The following RIMS1 variants were observed in gnomAD, a reference collection of about 807,000 sequenced individuals.
RIMS1 encodes regulating synaptic membrane exocytosis protein 1.
In RIMS1, 83 loss-of-function variants were observed where a neutral mutation model predicts 214.1. That is an observed-to-expected ratio of 0.39 (90% CI 0.32 to 0.47). The LOEUF (loss-of-function observed/expected upper bound fraction) is 0.47, where lower values mean the gene tolerates loss of function less well. Ranked by LOEUF, RIMS1 falls within the 20% of genes least tolerant of loss-of-function variation. The pLI, the probability that RIMS1 is intolerant of heterozygous loss-of-function variation, is 0.99. For synonymous variants in RIMS1, 793 were observed against 786.8 expected (o/e 1.01, Z -0.13); for missense variants, 2,050 against 2,161.8 (o/e 0.95, Z 1.03).
chr6:72,294,351 C>A (rs1318146458), intron 26 of RIMS1, among the ~76,000 whole-genome samples: 1 of 151,612 alleles, frequency 6.6e-6, no homozygotes, highest in Non-Finnish European at 1.5e-5. Flanking sequence ...TTCCATCTCC[C>A]ATGAAGATTA....
intron 4 of RIMS1, among the ~76,000 whole-genome samples, chr6:72,137,325 G>A (rs2153870954): frequency 6.6e-6 from 1 of 152,080 alleles, no homozygotes; most frequent in South Asian, 2.1e-4. Context: ...GTGTTTGAAG[G>A]TATACATTTC....
intron 28 of RIMS1, among the ~76,000 whole-genome samples, chr6:72,329,982 T>C (rs1339787267): frequency 6.6e-6 from 1 of 151,736 alleles, no homozygotes; most frequent in Non-Finnish European, 1.5e-5. Context: ...AGCATATAGA[T>C]ACTACATAAT....
At chr6:72,299,906 G>A (rs1472923730) in intron 26 of RIMS1, among the ~76,000 whole-genome samples, 1 of 151,734 alleles carries the variant, frequency 6.6e-6, no homozygotes, top group East Asian at 1.9e-4. Flanking sequence ...ATTAGTAGTA[G>A]TAGATGCATA....
chr6:71,947,025 G>A (rs1788043521), intron 1 of RIMS1, among the ~76,000 whole-genome samples: 1 of 151,934 alleles, frequency 6.6e-6, no homozygotes, highest in Admixed American at 6.6e-5. Context: ...CTGGCCATCG[G>A]ATATGTGAAA....
chr6:72,182,278 T>C lies in RIMS1; in HGVS notation c.813-6T>C, dbSNP rs2048509894. ...GCTCTCCTTGACGTTCCTTTGTATA[T>C]CATAGAAAGAAGACCCCAGGGCTTT... On this transcript the variant is annotated splice_polypyrimidine_tract_variant and splice_region_variant and intron_variant, in intron 5 of 33. Transcript: ENST00000521978. The C allele has an allele frequency of 1.9e-6, 3 of 1,562,750 alleles. No individual in the cohort carries two copies. Among genetic ancestry groups the C allele is most frequent in the Non-Finnish European group, 2.6e-6 (3 of 1,159,796 alleles).
At chr6:72,046,320 G>T (rs1823027359) in intron 2 of RIMS1, among the ~76,000 whole-genome samples, 1 of 152,016 alleles carries the variant, frequency 6.6e-6, no homozygotes, top group Non-Finnish European at 1.5e-5. Context: ...GTGAGATAGG[G>T]TAGAGATTTT....
At chr6:72,098,289 C>CTTTT (rs58934201) in intron 3 of RIMS1, among the ~76,000 whole-genome samples, 13 of 143,340 alleles carry the variant, frequency 9.1e-5, no homozygotes, top group Non-Finnish European at 9.1e-5. Context: ...ATCAATATAT[C>CTTTT]TTTTTTTTTT....
intron 31 of RIMS1, among the ~76,000 whole-genome samples, chr6:72,393,931 C>T (rs1010950640): frequency 1.3e-5 from 2 of 150,434 alleles, no homozygotes; most frequent in East Asian, 4.1e-4. Context: ...AGCAAGGCCT[C>T]AAATCATTTT....
intron 2 of RIMS1, among the ~76,000 whole-genome samples, chr6:72,003,849 T>A (rs899246606): frequency 2.0e-5 from 3 of 151,862 alleles, no homozygotes; most frequent in African/African-American, 7.3e-5. Context: ...TTTTTCTTTT[T>A]TTTTCGATTT....
At chr6:72,005,160 T>C in intron 2 of RIMS1, among the ~76,000 whole-genome samples, 1 of 152,222 alleles carries the variant, frequency 6.6e-6, no homozygotes, top group South Asian at 2.1e-4. Context: ...TTCTCAGCTG[T>C]GTCAAAGATC....
intron 22 of RIMS1, among the ~76,000 whole-genome samples, chr6:72,267,890 GA>G (rs761521012): frequency 2.0e-5 from 3 of 151,850 alleles, no homozygotes; most frequent in Non-Finnish European, 4.4e-5. Flanking sequence ...AATAAAAGAA[GA>G]AAAAATATTG....
intron 2 of RIMS1, among the ~76,000 whole-genome samples, chr6:72,014,414 G>T (rs1364391311): frequency 2.6e-5 from 4 of 152,208 alleles, no homozygotes; most frequent in Admixed American, 2.6e-4. Flanking sequence ...GTTCATCCTT[G>T]ATGTTGCATG....
At chr6:72,195,841 A>G (rs2050768113) in intron 6 of RIMS1, among the ~76,000 whole-genome samples, 2 of 152,092 alleles carry the variant, frequency 1.3e-5, no homozygotes, top group African/African-American at 4.8e-5. Context: ...ATGGCTGGGG[A>G]GGCCTCAAGA....
chr6:72,100,046 G>A, intron 4 of RIMS1, 60 bp downstream of exon 4: 1 of 1,324,392 alleles, frequency 7.6e-7, no homozygotes, highest in Non-Finnish European at 1.1e-6. Context: ...ACTTTATTAA[G>A]TGAATGTTGC....
intron 23 of RIMS1, among the ~76,000 whole-genome samples, chr6:72,275,229 G>A (rs1229827147): frequency 6.8e-6 from 1 of 146,308 alleles, no homozygotes; most frequent in African/African-American, 2.5e-5. Context: ...AGGTTTTTGG[G>A]TGTTTGAGAT....
intron 2 of RIMS1, among the ~76,000 whole-genome samples, chr6:72,092,291 C>CCCTCCCTTCCTT (rs745668426): frequency 1.1e-3 from 122 of 108,004 alleles, no homozygotes; most frequent in African/African-American, 2.4e-3. Flanking sequence ...CTCCCTCCCT[C>CCCTCCCTTCCTT]CCTTCCTTCC....
chr6:72,015,530 T>C (rs1350644455), intron 2 of RIMS1, among the ~76,000 whole-genome samples: 1 of 152,218 alleles, frequency 6.6e-6, no homozygotes, highest in Non-Finnish European at 1.5e-5. Context: ...TATTTATTTT[T>C]CTTGCCTAAC....
chr6:71,923,137 A>G lies in RIMS1; in HGVS notation c.164+35950A>G, dbSNP rs191220513. 5.2e-4 allele frequency among the ~76,000 whole-genome samples: 79 copies of G among 152,260 alleles called. 3 individuals are homozygous for G. The East Asian group carries it at 0.014, about 28-fold the overall frequency. On this transcript the variant is annotated intron_variant, in intron 1 of 33. Coordinates refer to ENST00000521978, the MANE Select transcript of RIMS1 (RefSeq NM_014989.7). ...CCAGATCTCAAGGCACTCATGTTCC[A>G]TTTGTAATGTTCTACAGTTTCCGCA...
chr6:72,388,172 A>G (rs762744608), intron 29 of RIMS1, among the ~76,000 whole-genome samples: 6 of 152,248 alleles, frequency 3.9e-5, no homozygotes, highest in African/African-American at 7.2e-5. Context: ...AGTGCTGTGA[A>G]GAAAAATAAA....
Sources: gnomAD v4.1 joint callset for allele counts (sites outside exome capture counted in the v4.1 genomes callset) on GRCh38, gnomAD v4.1.1 for gene constraint, MANE v1.5 for transcripts, NCBI Gene and HGNC (gene_info 2026-07-23, HGNC 2026-07-21) for gene names.